Variants in OTOF observed in about 807,000 individuals in gnomAD.
OTOF encodes the protein otoferlin.
In OTOF, 218 loss-of-function variants were observed where a neutral mutation model predicts 236.8. The ratio of observed to expected loss-of-function variants is 0.92; its 90% CI spans 0.82 to 1.03. The LOEUF is 1.03. OTOF is among the 50% of genes least tolerant of loss of function. OTOF has a pLI of 0.00. For synonymous variants in OTOF, 1,041 were observed against 1,072.5 expected, an observed-to-expected ratio of 0.97 and a Z score of 0.57; for missense variants, 2,590 against 2,694.4, an observed-to-expected ratio of 0.96 and a Z score of 0.86.
At chr2:26,471,230 G>C in intron 30 of OTOF, 80 bp from the exon 31 acceptor site, 1 of 1,522,166 alleles carries the variant, frequency 6.6e-7, no homozygotes, top group East Asian at 2.3e-5. Context: ...CACAGGGTGT[G>C]TGGAGGAGCC....
At chr2:26,503,632 G>C in intron 6 of OTOF, 140 bp downstream of exon 6, 1 of 752,054 alleles carries the variant, frequency 1.3e-6, no homozygotes, top group Non-Finnish European at 2.3e-6. Flanking sequence ...CTTCCTAGAG[G>C]GCCACGCATC....
In OTOF at chr2:26,487,129, G is replaced by A. The variant is rs535693991; in HGVS notation, c.1045+2082C>T. On this transcript the variant is annotated intron_variant, in intron 11 of 46. Transcript: ENST00000272371. ...AAATGTGGTCCTGCCAGGGTGAGAAGAGGTTCTCTCGGGAAACCCCTTCCA... is the reference window on the plus strand; with the variant it reads ...AAATGTGGTCCTGCCAGGGTGAGAAAAGGTTCTCTCGGGAAACCCCTTCCA... Among the ~76,000 whole-genome samples the A allele has an allele frequency of 7.9e-5, 12 of 152,336 alleles. No individual in the cohort carries two copies. In the South Asian group the frequency reaches 2.5e-3, roughly 32 times the overall value.
intron 5 of OTOF, among the ~76,000 whole-genome samples, chr2:26,504,630 G>A (rs1204145852): frequency 1.3e-5 from 2 of 152,136 alleles, no homozygotes; most frequent in Non-Finnish European, 2.9e-5. Flanking sequence ...GTGCCCCCAG[G>A]TGAAGGGCCT....
Position 26,539,488 on chromosome 2 carries a change from C to A in OTOF, c.80-1714G>T, listed in dbSNP as rs567499215. 1.2e-3 allele frequency among the ~76,000 whole-genome samples: 189 copies of A among 152,342 alleles called. 2 individuals carry two copies. The highest frequency in any genetic ancestry group is 4.3e-3 in the African/African-American group (177 of 41,580). The stretch of plus-strand genomic sequence containing the variant: ...CAGTGGCTCACGCCTGTAATCCCAG[C>A]AATTTGGGAGGCCGAGGCGGGCGGA... On this transcript the variant is annotated intron_variant, in intron 1 of 46. Coordinates refer to ENST00000272371, the MANE Select transcript of OTOF (RefSeq NM_194248.3).
intron 1 of OTOF, among the ~76,000 whole-genome samples, chr2:26,555,033 T>A (rs1030527540): frequency 2.0e-5 from 3 of 152,196 alleles, no homozygotes; most frequent in African/African-American, 7.2e-5. Flanking sequence ...GCCTTGGTGC[T>A]CAGCACTGGA....
In OTOF at chr2:26,519,075, C is replaced by T. The variant is rs199766309; in HGVS notation, c.262G>A (p.Val88Met). Residue 88 changes from valine (V) to methionine (M), a missense_variant, in exon 4 of 47, where the codon GTG becomes ATG. Around this residue, in one of 2 missense-constraint regions of OTOF, gnomAD observed 1,379 missense variants for 1,341.6 expected, o/e 1.03. Transcript: ENST00000272371. ...IGTFRMVLQKVVEESHVEVTD... is the reference protein window; with the variant it reads ...IGTFRMVLQKMVEESHVEVTD... ...ACCTCCACATGGCTCTCCTCTACCA[C>T]CTTCTGCAGCACCATGCGGAAGGTC... 6.2e-7 allele frequency: 1 copy of T among 1,608,078 alleles called. No homozygotes were observed.
chr2:26,485,445 A>G (rs1333004146), intron 11 of OTOF, among the ~76,000 whole-genome samples: 3 of 152,170 alleles, frequency 2.0e-5, no homozygotes, highest in Non-Finnish European at 4.4e-5. Flanking sequence ...TTAGACTGAG[A>G]GTCTCCTAAA....
chr2:26,489,051 G>A (rs779718667), intron 11 of OTOF, among the ~76,000 whole-genome samples, 160 bp downstream of exon 11: 17 of 152,330 alleles, frequency 1.1e-4, no homozygotes, highest in Non-Finnish European at 1.9e-4. Flanking sequence ...GACTGTGCGC[G>A]CCACTTCTCC....
At chr2:26,502,176 G>A (rs750428036) in intron 7 of OTOF, 124 bp downstream of exon 7, 34 of 1,021,182 alleles carry the variant, frequency 3.3e-5, no homozygotes, top group Non-Finnish European at 4.5e-5. Context: ...AAAGGGTAAG[G>A]TTAGGTTAGG....
At chr2:26,504,780 C>A (rs1287330467) in intron 5 of OTOF, among the ~76,000 whole-genome samples, 1 of 152,210 alleles carries the variant, frequency 6.6e-6, no homozygotes, top group African/African-American at 2.4e-5. Flanking sequence ...TGTTCCATTA[C>A]CCCATCCATA....
At position 26,474,065 on chromosome 2, in the gene OTOF, C is replaced by T. The variant is rs1206018770; in HGVS notation, c.3334G>A (p.Val1112Met). ...ATGATGGGACCTCGGTCCACGTCCA[C>T]CGGGCCATTGATGGGGGGCAGGTCA... is the stretch of plus-strand genomic sequence containing the variant. ...KADLPPINGP[V>M]DVDRGPIMPV... is the part of the protein sequence containing the mutation. The change falls in exon 27 of 47, where the codon GTG becomes ATG. Residue 1112 changes from valine (V) to methionine (M), a missense_variant. Val to Met is a conservative substitution (Grantham distance 21, BLOSUM62 1). Coordinates refer to ENST00000272371, the MANE Select transcript of OTOF (RefSeq NM_194248.3). 2 of 1,613,008 alleles carry T rather than the reference C, an allele frequency of 1.2e-6. No homozygotes were observed. Among genetic ancestry groups the T allele is most frequent in the East Asian group, 2.2e-5 (1 of 44,884 alleles).
chr2:26,498,581 G>A (rs1396574902), intron 8 of OTOF, among the ~76,000 whole-genome samples: 1 of 152,182 alleles, frequency 6.6e-6, no homozygotes, highest in Admixed American at 6.5e-5. Flanking sequence ...AGAGGCAAAC[G>A]GAGCCACAGC....
At chr2:26,506,370 C>A (rs1666247968) in intron 5 of OTOF, among the ~76,000 whole-genome samples, 1 of 152,202 alleles carries the variant, frequency 6.6e-6, no homozygotes, top group African/African-American at 2.4e-5. Flanking sequence ...TTAGCCTTTG[C>A]CATTGCAGCC....
At chr2:26,493,044 A>T (rs980300335) in intron 9 of OTOF, among the ~76,000 whole-genome samples, 1 of 152,186 alleles carries the variant, frequency 6.6e-6, no homozygotes, top group South Asian at 2.1e-4. Flanking sequence ...ACCTGTCTCC[A>T]TGCCTGTCTT....
At chr2:26,465,571 C>T (rs1422232140) in intron 38 of OTOF, 101 bp downstream of exon 38, 3 of 1,337,498 alleles carry the variant, frequency 2.2e-6, no homozygotes. Flanking sequence ...GGACAGAAAC[C>T]ACAATGTCTA....
intron 4 of OTOF, among the ~76,000 whole-genome samples, chr2:26,517,234 A>G (rs1405330703): frequency 7.1e-6 from 1 of 141,650 alleles, no homozygotes; most frequent in Non-Finnish European, 1.5e-5. Flanking sequence ...TGCGTCCTGG[A>G]GCCATTACTT....
intron 13 of OTOF, 140 bp from the exon 14 acceptor site, chr2:26,482,732 G>T (rs1268504095): frequency 2.6e-5 from 18 of 685,598 alleles, no homozygotes; most frequent in Non-Finnish European, 1.8e-5. Flanking sequence ...TGTGTGAGTG[G>T]ATGCATGTGT....
intron 2 of OTOF, among the ~76,000 whole-genome samples, chr2:26,537,481 C>T (rs1260873022): frequency 6.6e-6 from 1 of 152,202 alleles, no homozygotes; most frequent in Non-Finnish European, 1.5e-5. Flanking sequence ...TGCTGTTCCC[C>T]GTGTCATTTG....
chr2:26,535,967 T>C (rs1355599626), intron 2 of OTOF, among the ~76,000 whole-genome samples: 1 of 152,226 alleles, frequency 6.6e-6, no homozygotes, highest in Non-Finnish European at 1.5e-5. Context: ...GCCCCCTGGC[T>C]GAACGCCTGG....
Sources: allele counts gnomAD v4.1 joint callset (sites outside exome capture counted in the v4.1 genomes callset), GRCh38; gene constraint gnomAD v4.1.1; regional missense constraint gnomAD v4.1.1; transcripts MANE v1.5; gene names NCBI Gene and HGNC (gene_info 2026-07-23, HGNC 2026-07-21).